The following CNTN4 variants were observed in gnomAD, a reference collection of about 807,000 sequenced individuals.
CNTN4 encodes contactin-4.
A neutral mutation model predicts 122.5 loss-of-function variants in CNTN4; 77 were observed. The ratio of observed to expected loss-of-function variants is 0.63; its 90% CI spans 0.52 to 0.76. CNTN4 has a LOEUF of 0.76. CNTN4 is among the 30% of genes least tolerant of loss of function. CNTN4 has a pLI of 0.00. For missense variants in CNTN4, 1,256 were observed against 1,259.1 expected, an observed-to-expected ratio of 1.00 and a Z score of 0.04; for synonymous variants, 512 against 447.0, an observed-to-expected ratio of 1.15 and a Z score of -1.83.
intron 2 of CNTN4, among the ~76,000 whole-genome samples, chr3:2,302,655 A>G (rs1350007552): frequency 1.3e-5 from 2 of 152,190 alleles, no homozygotes; most frequent in African/African-American, 2.4e-5. Flanking sequence ...TCTACCTAGG[A>G]TTCCTCCACC....
chr3:2,287,693 G>A (rs200043931), intron 2 of CNTN4, among the ~76,000 whole-genome samples: 1,434 of 80,552 alleles, frequency 0.018, 36 homozygotes, highest in Middle Eastern at 0.034. Context: ...AAGAAGAAGA[G>A]GAAGAAGAAG....
At chr3:2,793,703 G>A (rs1375341540) in intron 6 of CNTN4, among the ~76,000 whole-genome samples, 2 of 152,124 alleles carry the variant, frequency 1.3e-5, no homozygotes, top group African/African-American at 4.8e-5. Flanking sequence ...GCTGCTACCA[G>A]TATCGTATTA....
At chr3:2,804,834 A>T (rs1037545916) in intron 6 of CNTN4, among the ~76,000 whole-genome samples, 4 of 152,122 alleles carry the variant, frequency 2.6e-5, no homozygotes, top group Middle Eastern at 3.4e-3. Flanking sequence ...AGTAGCTGGA[A>T]TTATAGGCAC....
At chr3:2,328,485 CTT>C (rs2043570638) in intron 2 of CNTN4, among the ~76,000 whole-genome samples, 1 of 152,180 alleles carries the variant, frequency 6.6e-6, no homozygotes, top group Admixed American at 6.5e-5. Flanking sequence ...TCATGTAAAA[CTT>C]ACGTTAAATT....
At chr3:2,668,542 G>T (rs565079331) in intron 4 of CNTN4, among the ~76,000 whole-genome samples, 44 of 152,200 alleles carry the variant, frequency 2.9e-4, no homozygotes, top group African/African-American at 1.0e-3. Flanking sequence ...CTGCAAACAG[G>T]GACAATTTGA....
intron 6 of CNTN4, among the ~76,000 whole-genome samples, chr3:2,767,970 C>G (rs781355037): frequency 6.6e-6 from 1 of 152,166 alleles, no homozygotes; most frequent in Non-Finnish European, 1.5e-5. Flanking sequence ...TGTTTGCCAA[C>G]CAAATGGTGA....
At chr3:2,240,633 C>T (rs2039893716) in intron 2 of CNTN4, among the ~76,000 whole-genome samples, 1 of 151,976 alleles carries the variant, frequency 6.6e-6, no homozygotes, top group South Asian at 2.1e-4. Flanking sequence ...TCATATGATT[C>T]AACCTACATA....
At chr3:2,713,040 C>G (rs112656760) in intron 4 of CNTN4, among the ~76,000 whole-genome samples, 180 of 152,290 alleles carry the variant, frequency 1.2e-3, no homozygotes, top group Middle Eastern at 6.8e-3. Context: ...ATTTGAGCCA[C>G]TCTAGCAAAT....
At chr3:2,971,080 C>A (rs576015133) in intron 13 of CNTN4, among the ~76,000 whole-genome samples, 32 of 152,306 alleles carry the variant, frequency 2.1e-4, no homozygotes, top group Middle Eastern at 6.8e-3. Context: ...AGCCAGCACA[C>A]CCAGCCTACG....
intron 16 of CNTN4, among the ~76,000 whole-genome samples, chr3:3,032,957 A>C (rs1699301396): frequency 6.6e-6 from 1 of 152,150 alleles, no homozygotes; most frequent in African/African-American, 2.4e-5. Context: ...AGAACAAACA[A>C]ATCCAGGAAA....
At chr3:2,629,582 G>A (rs1420851330) in intron 4 of CNTN4, 1 of 452,428 alleles carries the variant, frequency 2.2e-6, no homozygotes, top group East Asian at 7.0e-5. Flanking sequence ...GGAGGCTGGT[G>A]AGTTGACTTT....
intron 3 of CNTN4, among the ~76,000 whole-genome samples, chr3:2,521,232 G>T (rs1199940002): frequency 1.3e-5 from 2 of 151,992 alleles, no homozygotes; most frequent in African/African-American, 4.8e-5. Flanking sequence ...CTGAGTAATT[G>T]AGGCAAACTC....
chr3:2,405,810 C>T (rs1048327018), intron 3 of CNTN4, among the ~76,000 whole-genome samples: 5 of 152,050 alleles, frequency 3.3e-5, no homozygotes. Context: ...ATCACTCGAG[C>T]TTGAGAGATC....
At chr3:2,451,780 C>T (rs1040512110) in intron 3 of CNTN4, among the ~76,000 whole-genome samples, 2 of 151,920 alleles carry the variant, frequency 1.3e-5, no homozygotes, top group African/African-American at 4.8e-5. Flanking sequence ...TGTAATATGC[C>T]TTCCCAGGTT....
intron 4 of CNTN4, among the ~76,000 whole-genome samples, chr3:2,702,665 C>T (rs2086423045): frequency 1.3e-5 from 2 of 152,160 alleles, no homozygotes; most frequent in Admixed American, 1.3e-4. Flanking sequence ...GAGCTCCCTC[C>T]AGAAAGAAAA....
Position 2,249,348 on chromosome 3 carries a change from T to G in CNTN4, c.-144-89830T>G, listed in dbSNP as rs190855417. Among the ~76,000 whole-genome samples, 4 of 152,090 alleles carry G rather than the reference T, an allele frequency of 2.6e-5. No individual in the cohort carries two copies. The East Asian group carries it at 5.8e-4, about 22-fold the overall frequency. On this transcript the variant is annotated intron_variant, in intron 2 of 24. Transcript: ENST00000418658. ...AGGACACTGTACATACAAGGTCTAC[T>G]GCAGTCAGAGAGATTAAAATAATCT...
chr3:2,178,399 C>G (rs530298374), intron 2 of CNTN4, among the ~76,000 whole-genome samples: 1 of 151,926 alleles, frequency 6.6e-6, no homozygotes, highest in East Asian at 1.9e-4. Flanking sequence ...GGCATCCTAC[C>G]ACACAAAGTA....
intron 8 of CNTN4, among the ~76,000 whole-genome samples, chr3:2,874,869 C>G (rs2093825530): frequency 6.6e-6 from 1 of 152,132 alleles, no homozygotes; most frequent in African/African-American, 2.4e-5. Context: ...GCCAACCTTG[C>G]CTGTGGCCTG....
intron 2 of CNTN4, among the ~76,000 whole-genome samples, chr3:2,206,250 A>C (rs756636467): frequency 2.6e-5 from 4 of 152,126 alleles, no homozygotes; most frequent in Non-Finnish European, 4.4e-5. Flanking sequence ...CAAAGCTAAT[A>C]CTGTCAACTT....
Sources: allele counts gnomAD v4.1 joint callset (sites outside exome capture counted in the v4.1 genomes callset), GRCh38; gene constraint gnomAD v4.1.1; transcripts MANE v1.5; gene names NCBI Gene and HGNC (gene_info 2026-07-23, HGNC 2026-07-21).